Variants in STK32A observed in about 807,000 individuals in gnomAD.
STK32A encodes the protein serine/threonine kinase 32A.
STK32A carries 41 observed loss-of-function variants against 53.2 expected under a neutral mutation model. That is an observed-to-expected ratio of 0.77 (90% CI 0.60 to 1.00). STK32A has a LOEUF of 1.00. Among genes scored for constraint, STK32A ranks in the 50% least tolerant of loss-of-function variants. The probability of loss-of-function intolerance (pLI) is 0.00; values close to 1 mark genes in which losing one functional copy is unlikely to be tolerated. For synonymous variants in STK32A, 166 were observed against 162.8 expected (o/e 1.02, Z -0.15); for missense variants, 458 against 485.8 (o/e 0.94, Z 0.54).
chr5:147,361,293 G>C (rs1263301218), intron 7 of STK32A, among the ~76,000 whole-genome samples: 2 of 152,072 alleles, frequency 1.3e-5, no homozygotes, highest in African/African-American at 4.8e-5. Flanking sequence ...ATCCATGAAG[G>C]CCTATGCATG....
chr5:147,270,819 T>C (rs1469759885), intron 2 of STK32A, among the ~76,000 whole-genome samples: 2 of 152,192 alleles, frequency 1.3e-5, no homozygotes, highest in Non-Finnish European at 2.9e-5. Flanking sequence ...AAGTTATTTT[T>C]ATATGTTTTT....
chr5:147,243,737 C>CTAAAA (rs1561663697), intron 2 of STK32A, among the ~76,000 whole-genome samples: 1 of 71,542 alleles, frequency 1.4e-5, no homozygotes, highest in Non-Finnish European at 3.1e-5. Flanking sequence ...AAGACTCTGT[C>CTAAAA]CAAAAAAAAA....
At chr5:147,393,669 C>A in the STK32A span, 12 of 214,180 alleles carry the variant, frequency 5.6e-5, no homozygotes, top group Non-Finnish European at 7.7e-5. Flanking sequence ...AAATAACCTG[C>A]GTCCCTTTTG....
At chr5:147,351,185 C>A in intron 7 of STK32A, 31 bp downstream of exon 7, 1 of 1,526,302 alleles carries the variant, frequency 6.6e-7, no homozygotes, top group Non-Finnish European at 9.1e-7. Context: ...TTTTTTTTTT[C>A]TTTCCTGTAA....
intron 2 of STK32A, among the ~76,000 whole-genome samples, chr5:147,265,232 A>C (rs1754755384): frequency 1.3e-5 from 2 of 151,414 alleles, no homozygotes; most frequent in African/African-American, 4.8e-5. Flanking sequence ...AATATCTTGT[A>C]AATGGTACAG....
intron 2 of STK32A, among the ~76,000 whole-genome samples, chr5:147,260,587 C>G (rs2400287): frequency 0.38 from 55,872 of 147,724 alleles, 10,522 homozygotes; most frequent in Admixed American, 0.42. Flanking sequence ...GGGGTGTCTT[C>G]CCTGTCCTGG....
At chr5:147,350,406 G>A (rs1755913414) in intron 6 of STK32A, among the ~76,000 whole-genome samples, 1 of 151,366 alleles carries the variant, frequency 6.6e-6, no homozygotes, top group Admixed American at 6.6e-5. Flanking sequence ...CTGTCACCCA[G>A]GCTGGAGTGC....
the STK32A span, chr5:147,397,874 C>T: frequency 2.1e-6 from 3 of 1,442,138 alleles, no homozygotes; most frequent in Non-Finnish European, 2.8e-6. Flanking sequence ...AGCAAAGCCA[C>T]AGTAAGGGTA....
intron 7 of STK32A, among the ~76,000 whole-genome samples, chr5:147,360,425 T>G (rs1440449141): frequency 8.5e-6 from 1 of 118,334 alleles, no homozygotes; most frequent in African/African-American, 3.3e-5. Context: ...CAATCCAGCC[T>G]GGGCAATGGA....
chr5:147,393,880 G>A, the STK32A span: 2 of 748,242 alleles, frequency 2.7e-6, no homozygotes, highest in Non-Finnish European at 4.4e-6. Flanking sequence ...AGCTAGGCAA[G>A]CGAGCGTAAC....
chr5:147,249,605 G>A (rs1440950827), intron 2 of STK32A, among the ~76,000 whole-genome samples: 1 of 151,610 alleles, frequency 6.6e-6, no homozygotes, highest in African/African-American at 2.4e-5. Context: ...TTGCTGGGAT[G>A]AAAAAAAATC....
intron 2 of STK32A, among the ~76,000 whole-genome samples, chr5:147,247,931 G>A (rs1703265502): frequency 6.6e-6 from 1 of 152,080 alleles, no homozygotes; most frequent in South Asian, 2.1e-4. Flanking sequence ...AGACCAGCCT[G>A]ACCAACATGG....
the STK32A span, chr5:147,392,892 A>AGTGG: frequency 1.3e-5 from 2 of 152,228 alleles, no homozygotes; most frequent in Admixed American, 6.5e-5. Flanking sequence ...CCAGTTCCCC[A>AGTGG]CTTGACTTTC....
At chr5:147,331,167 G>A (rs1462008493) in intron 5 of STK32A, among the ~76,000 whole-genome samples, 1 of 152,134 alleles carries the variant, frequency 6.6e-6, no homozygotes, top group Admixed American at 6.5e-5. Context: ...CTGGAAAGAT[G>A]TTTTTCTAAT....
chr5:147,339,582 T>A (rs575595376), intron 5 of STK32A, among the ~76,000 whole-genome samples: 20 of 152,298 alleles, frequency 1.3e-4, no homozygotes, highest in East Asian at 3.9e-4. Context: ...ACCATGTGCC[T>A]GGAAAAGCTG....
chr5:147,245,162 ATT>A (rs940938213), intron 2 of STK32A, among the ~76,000 whole-genome samples: 12 of 152,062 alleles, frequency 7.9e-5, no homozygotes, highest in African/African-American at 2.9e-4. Flanking sequence ...AGGTTATTGT[ATT>A]TTTGTTTAAG....
At chr5:147,383,415 A>AT (rs752440513) in intron 11 of STK32A, 26 bp from the exon 12 acceptor site, 339 of 1,567,096 alleles carry the variant, frequency 2.2e-4, no homozygotes, top group Non-Finnish European at 2.8e-4. Flanking sequence ...CTATACCTCT[A>AT]TTTTTTTTCT....
the STK32A span, among the ~76,000 whole-genome samples, chr5:147,395,058 T>C: frequency 1.3e-5 from 2 of 152,178 alleles, no homozygotes; most frequent in African/African-American, 2.4e-5. Context: ...GGCTAACACA[T>C]AGTAGATGTT....
intron 11 of STK32A, among the ~76,000 whole-genome samples, chr5:147,380,942 A>G (rs1757427214): frequency 6.6e-6 from 1 of 152,198 alleles, no homozygotes; most frequent in Non-Finnish European, 1.5e-5. Flanking sequence ...GGAGTTACAA[A>G]TTATTATTAC....
Sources: allele counts gnomAD v4.1 joint callset (sites outside exome capture counted in the v4.1 genomes callset), GRCh38; gene constraint gnomAD v4.1.1; transcripts MANE v1.5; gene names NCBI Gene and HGNC (gene_info 2026-07-23, HGNC 2026-07-21).